The following RBFOX1 variants were observed in gnomAD, a reference collection of about 807,000 sequenced individuals.
RBFOX1 encodes RNA binding fox-1 homolog 1, also known as RNA binding protein fox-1 homolog 1.
In RBFOX1, 8 loss-of-function variants were observed where a neutral mutation model predicts 57.7. That is an observed-to-expected ratio of 0.14 (90% CI 0.08 to 0.25). The LOEUF is 0.25. RBFOX1 is among the 10% of genes least tolerant of loss of function. The probability of loss-of-function intolerance (pLI) is 1.00; values close to 1 mark genes in which losing one functional copy is unlikely to be tolerated. For missense variants in RBFOX1, 611 were observed against 548.5 expected, an observed-to-expected ratio of 1.11 and a Z score of -1.14; for synonymous variants, 326 against 222.4, an observed-to-expected ratio of 1.47 and a Z score of -4.15.
chr16:6,466,256 A>G (rs904430029), intron 2 of RBFOX1, among the ~76,000 whole-genome samples: 1 of 151,700 alleles, frequency 6.6e-6, no homozygotes, highest in African/African-American at 2.4e-5. Context: ...ATTAAGGATT[A>G]AAAAAAATTG....
At chr16:7,221,486 C>T (rs1406465347) in intron 4 of RBFOX1, among the ~76,000 whole-genome samples, 1 of 152,090 alleles carries the variant, frequency 6.6e-6, no homozygotes. Flanking sequence ...CCTGCCTCAG[C>T]TTCCAGAGTA....
At chr16:5,784,424 C>G (rs964720024) in intron 3 of RBFOX1, among the ~76,000 whole-genome samples, 1 of 137,664 alleles carries the variant, frequency 7.3e-6, no homozygotes, top group Non-Finnish European at 1.6e-5. Flanking sequence ...GAGAGTCCGT[C>G]TGAAACAAAA....
chr16:5,873,095 A>G (rs968829592), intron 4 of RBFOX1, among the ~76,000 whole-genome samples: 3 of 152,200 alleles, frequency 2.0e-5, no homozygotes, highest in Non-Finnish European at 4.4e-5. Context: ...GGTTGCAGTG[A>G]GCTACTATCA....
At chr16:6,996,420 C>T (rs2092250902) in intron 3 of RBFOX1, among the ~76,000 whole-genome samples, 1 of 152,174 alleles carries the variant, frequency 6.6e-6, no homozygotes, top group East Asian at 1.9e-4. Flanking sequence ...TATCTGGATA[C>T]ACATCTAGAT....
chr16:5,886,216 C>G (rs1367947300), intron 4 of RBFOX1, among the ~76,000 whole-genome samples: 2 of 152,140 alleles, frequency 1.3e-5, no homozygotes, highest in East Asian at 3.9e-4. Context: ...TGCCTTGTAG[C>G]AGAGCAAAAA....
chr16:6,431,938 TTTCTTTCTTTCTTTCTTTC>T (rs1218267156), intron 2 of RBFOX1, among the ~76,000 whole-genome samples: 1 of 151,286 alleles, frequency 6.6e-6, no homozygotes, highest in Non-Finnish European at 1.5e-5. Flanking sequence ...TCTTTCTTTC[TTTCTTTCTTTCTTTCTTTC>T]TTTCTTTTTC....
chr16:7,667,188 C>A (rs1044745742), intron 13 of RBFOX1, among the ~76,000 whole-genome samples: 1 of 152,108 alleles, frequency 6.6e-6, no homozygotes, highest in Non-Finnish European at 1.5e-5. Context: ...TCTGGTAGAC[C>A]TTCCTGAATA....
At chr16:6,904,612 A>G (rs1322985717) in intron 3 of RBFOX1, among the ~76,000 whole-genome samples, 15 of 150,144 alleles carry the variant, frequency 1.0e-4, no homozygotes, top group African/African-American at 1.7e-4. Context: ...AAAAAAAAAA[A>G]AAAAAAAAAA....
intron 1 of RBFOX1, among the ~76,000 whole-genome samples, chr16:5,252,357 T>A (rs961155346): frequency 6.6e-6 from 1 of 152,228 alleles, no homozygotes; most frequent in African/African-American, 2.4e-5. Flanking sequence ...CATGCAATAT[T>A]TGGGACCTAC....
intron 4 of RBFOX1, among the ~76,000 whole-genome samples, chr16:7,373,415 A>G (rs1009508918): frequency 4.6e-5 from 7 of 152,298 alleles, no homozygotes; most frequent in African/African-American, 1.4e-4. Flanking sequence ...AATGGAGGGC[A>G]GTTCTCTGTC....
intron 2 of RBFOX1, among the ~76,000 whole-genome samples, chr16:6,342,631 C>T (rs995155695): frequency 1.9e-4 from 29 of 152,234 alleles, no homozygotes; most frequent in African/African-American, 7.0e-4. Flanking sequence ...GTTAGGTATA[C>T]ATATCTGAGG....
intron 4 of RBFOX1, among the ~76,000 whole-genome samples, chr16:7,303,815 T>G (rs1225687928): frequency 6.7e-6 from 1 of 148,204 alleles, no homozygotes; most frequent in Non-Finnish European, 1.5e-5. Context: ...CCTCTCTCCC[T>G]CTCTACCTCC....
At chr16:5,742,524 C>G (rs920621092) in intron 3 of RBFOX1, among the ~76,000 whole-genome samples, 1 of 152,100 alleles carries the variant, frequency 6.6e-6, no homozygotes. Context: ...GAAACAAGCC[C>G]GATCACTTCT....
intron 1 of RBFOX1, among the ~76,000 whole-genome samples, chr16:5,359,014 G>A (rs548072750): frequency 6.6e-6 from 1 of 152,026 alleles, no homozygotes; most frequent in East Asian, 1.9e-4. Context: ...GTTTCCATGA[G>A]TTCAATTGTT....
Position 5,530,266 on chromosome 16 carries a change from T to C in RBFOX1, c.258+63012T>C, listed in dbSNP as rs530060339. ...GGTGAGGACGGCTGCAACACCACTATCTCCTACTTCTTAACTGCTTCTTTT... is the reference window on the plus strand; with the variant it reads ...GGTGAGGACGGCTGCAACACCACTACCTCCTACTTCTTAACTGCTTCTTTT... On this transcript the variant is annotated intron_variant, in intron 2 of 2. Coordinates refer to the RBFOX1 transcript ENST00000585867. Among the ~76,000 whole-genome samples the C allele has an allele frequency of 2.0e-5, 3 of 152,262 alleles. No homozygotes were observed. The East Asian group carries it at 5.8e-4, about 29-fold the overall frequency.
At chr16:5,582,572 T>TTTTTTTTG (rs369563835) in intron 2 of RBFOX1, among the ~76,000 whole-genome samples, 2 of 106,058 alleles carry the variant, frequency 1.9e-5, no homozygotes, top group Non-Finnish European at 3.8e-5. Context: ...TTTTTTTTTT[T>TTTTTTTTG]AAACGGAGTC....
intron 4 of RBFOX1, among the ~76,000 whole-genome samples, chr16:7,479,717 G>A (rs189839222): frequency 4.1e-4 from 62 of 152,234 alleles, no homozygotes; most frequent in African/African-American, 1.2e-3. Flanking sequence ...GCACCTGGAG[G>A]GGGGGCAGGT....
At chr16:6,987,341 A>G (rs1323211303) in intron 3 of RBFOX1, among the ~76,000 whole-genome samples, 1 of 152,056 alleles carries the variant, frequency 6.6e-6, no homozygotes, top group Non-Finnish European at 1.5e-5. Flanking sequence ...GTGGAGAACA[A>G]GAGAGAATGA....
intron 3 of RBFOX1, among the ~76,000 whole-genome samples, chr16:5,664,719 A>G (rs2049774870): frequency 1.3e-5 from 2 of 152,204 alleles, no homozygotes; most frequent in Non-Finnish European, 2.9e-5. Flanking sequence ...TAAGTGGGAA[A>G]TACTGACTCT....
Sources: gnomAD v4.1 joint callset for allele counts (sites outside exome capture counted in the v4.1 genomes callset) on GRCh38, gnomAD v4.1.1 for gene constraint, MANE v1.5 for transcripts, NCBI Gene and HGNC (gene_info 2026-07-23, HGNC 2026-07-21) for gene names.